Variants in YTHDC2 observed in about 807,000 individuals in gnomAD.
The protein encoded by YTHDC2 is 3'-5' RNA helicase YTHDC2.
YTHDC2 carries 45 observed loss-of-function variants against 174.9 expected under a neutral mutation model. The ratio of observed to expected loss-of-function variants is 0.26; its 90% CI spans 0.20 to 0.33. The LOEUF is 0.33. Ranked by LOEUF, YTHDC2 falls within the 10% of genes least tolerant of loss-of-function variation. YTHDC2 has a pLI of 1.00. For synonymous variants in YTHDC2, 657 were observed against 574.5 expected (o/e 1.14, Z -2.05); for missense variants, 1,650 against 1,723.7 (o/e 0.96, Z 0.76).
At chr5:113,541,138 A>T (rs1191158363) in intron 9 of YTHDC2, 22 bp downstream of exon 9, 10 of 1,612,846 alleles carry the variant, frequency 6.2e-6, no homozygotes, top group Non-Finnish European at 7.6e-6. Flanking sequence ...CTGGTTTCCC[A>T]CTCATATTTT....
rs144347916 is a variant in YTHDC2 at position 113,558,047 on chromosome 5, G to GAGTTGTTAA, written c.2216+1914_2216+1922dup. On this transcript the variant is annotated intron_variant, in intron 17 of 29. Coordinates refer to ENST00000161863, the MANE Select transcript of YTHDC2 (RefSeq NM_022828.5). ...TTTGTGCTACAACTGGATGTTTCCAGAGTTGTTAAGAATGAATCTGAGACA... is the reference window on the plus strand; with the variant it reads ...TTTGTGCTACAACTGGATGTTTCCAGAGTTGTTAAAGTTGTTAAGAATGAATCTGAGACA... Among the ~76,000 whole-genome samples the GAGTTGTTAA allele has an allele frequency of 2.9e-3, 449 of 152,302 alleles. 3 individuals carry two copies. The highest frequency in any genetic ancestry group is 0.01 in the African/African-American group (420 of 41,566).
At chr5:113,536,591 A>G (rs573328745) in intron 7 of YTHDC2, among the ~76,000 whole-genome samples, 1 of 152,350 alleles carries the variant, frequency 6.6e-6, no homozygotes, top group South Asian at 2.1e-4. Flanking sequence ...AAAAATATAT[A>G]TAGAAAAAGT....
Position 113,526,627 on chromosome 5 carries a change from G to A in YTHDC2, c.517G>A (p.Gly173Ser). ...CAAGACAAGTGGGCGACTCAACAAT[G>A]GCATACCTCAGATTCCAGTGAAAAG... ...MSKTSGRLNN[G>S]IPQIPVKRGE... Residue 173 changes from glycine (G) to serine (S), a missense_variant, in exon 4 of 30, where the codon GGC becomes AGC. Around this residue, in one of 5 missense-constraint regions of YTHDC2, gnomAD observed 304 missense variants for 341.4 expected, o/e 0.89. Coordinates refer to ENST00000161863, the MANE Select transcript of YTHDC2 (RefSeq NM_022828.5). 6.3e-7 allele frequency: 1 copy of A among 1,590,058 alleles called. No homozygotes were observed. The highest frequency in any genetic ancestry group is 8.6e-7 in the Non-Finnish European group (1 of 1,167,018).
At chr5:113,586,608 C>T (rs1778693609) in intron 26 of YTHDC2, among the ~76,000 whole-genome samples, 1 of 151,392 alleles carries the variant, frequency 6.6e-6, no homozygotes, top group Admixed American at 6.6e-5. Flanking sequence ...TAATTTTCTC[C>T]TATGTTTTTA....
At chr5:113,558,836 C>T (rs934336716) in intron 17 of YTHDC2, among the ~76,000 whole-genome samples, 3 of 150,736 alleles carry the variant, frequency 2.0e-5, no homozygotes, top group African/African-American at 7.3e-5. Flanking sequence ...GCAGGAGAAT[C>T]GCTTGAACCT....
At chr5:113,514,683 G>A (rs1394681694) in intron 1 of YTHDC2, among the ~76,000 whole-genome samples, 1 of 152,084 alleles carries the variant, frequency 6.6e-6, no homozygotes, top group African/African-American at 2.4e-5. Context: ...TTAGTTAGGG[G>A]ACCTCTTACT....
intron 2 of YTHDC2, among the ~76,000 whole-genome samples, chr5:113,519,388 A>G (rs1026541595): frequency 6.6e-6 from 1 of 152,192 alleles, no homozygotes; most frequent in Non-Finnish European, 1.5e-5. Flanking sequence ...TTAGTCCTAA[A>G]GGCTCACTTT....
chr5:113,558,724 C>G (rs1229535125), intron 17 of YTHDC2, among the ~76,000 whole-genome samples: 1 of 151,898 alleles, frequency 6.6e-6, no homozygotes, highest in African/African-American at 2.4e-5. Flanking sequence ...GAGTTCAAGA[C>G]CAGCCTGGCC....
At position 113,594,443 on chromosome 5, in the gene YTHDC2, C is replaced by G. The variant is rs1779159447; in HGVS notation, c.*969C>G. The G allele has an allele frequency of 6.6e-6, 1 of 152,152 alleles. No individual in the cohort carries two copies. Among genetic ancestry groups the G allele is most frequent in the African/African-American group, 2.4e-5 (1 of 41,428 alleles). 9.4% of individuals were successfully genotyped at this position (152,152 alleles called of 1,614,324 possible). A position where few individuals can be genotyped will look rare whatever the true frequency, so the allele number is the denominator to read the frequency against. On this transcript the variant is annotated 3_prime_UTR_variant, in exon 30 of 30. Coordinates refer to ENST00000161863, the MANE Select transcript of YTHDC2 (RefSeq NM_022828.5). Reference sequence around the variant, plus strand: ...GCAAGCGCCACAATTCTAAGTGCCGCCTTCCATTTTTTTTCAGTATGTTTT... The same window carrying G: ...GCAAGCGCCACAATTCTAAGTGCCGGCTTCCATTTTTTTTCAGTATGTTTT...
In YTHDC2 at chr5:113,535,758, T is replaced by C; in HGVS notation, c.1062T>C (p.Asn354=). Residue 354 remains asparagine, a synonymous_variant, in exon 7 of 30, where the codon AAT becomes AAC. Transcript: ENST00000161863. ...LILSSAALDV[N]LFIRYFGSCP... is the part of the protein sequence containing the mutation. ...TTTCTAGTGCTGCCTTGGATGTAAA[T>C]CTCTTTATAAGATATTTTGGAAGTT... 6.2e-7 allele frequency: 1 copy of C among 1,613,216 alleles called. No homozygotes were observed. Among genetic ancestry groups the C allele is most frequent in the Non-Finnish European group, 8.5e-7 (1 of 1,179,594 alleles).
chr5:113,564,949 G>A (rs1777233078), intron 20 of YTHDC2, among the ~76,000 whole-genome samples: 1 of 151,974 alleles, frequency 6.6e-6, no homozygotes, highest in South Asian at 2.1e-4. Context: ...GAGTAGCTGG[G>A]GTTACAGGCA....
chr5:113,519,737 T>C (rs1236401218), intron 2 of YTHDC2, among the ~76,000 whole-genome samples: 2 of 152,218 alleles, frequency 1.3e-5, no homozygotes, highest in Non-Finnish European at 2.9e-5. Flanking sequence ...ATACTTGTGC[T>C]AGGTGCTTTA....
In YTHDC2 at chr5:113,591,024, T is replaced by G. The variant is rs1243243695; in HGVS notation, c.3826-17T>G. 1 of 1,609,228 alleles carries G rather than the reference T, an allele frequency of 6.2e-7. No individual in the cohort carries two copies. Among genetic ancestry groups the G allele is most frequent in the Admixed American group, 1.7e-5 (1 of 59,276 alleles). ...AAGGTCAGGTTACCTTTCAAGAACT[T>G]ATGTTTTCTTTTATAGGGCTCAAAA... is the stretch of plus-strand genomic sequence containing the variant. On this transcript the variant is annotated splice_polypyrimidine_tract_variant and intron_variant, in intron 26 of 29. Coordinates refer to ENST00000161863, the MANE Select transcript of YTHDC2 (RefSeq NM_022828.5).
chr5:113,590,085 T>C (rs765485046), intron 26 of YTHDC2, among the ~76,000 whole-genome samples: 2 of 152,190 alleles, frequency 1.3e-5, no homozygotes, highest in African/African-American at 2.4e-5. Flanking sequence ...AGTCTCAAGA[T>C]GACAACAGTA....
chr5:113,545,409 G>T (rs1476284107), intron 10 of YTHDC2, among the ~76,000 whole-genome samples: 3 of 144,678 alleles, frequency 2.1e-5, no homozygotes, highest in Admixed American at 6.8e-5. Context: ...TTTGAAACAG[G>T]GTCTCACTTT....
intron 25 of YTHDC2, chr5:113,582,444 A>T (rs968913589): frequency 1.3e-5 from 2 of 152,210 alleles, no homozygotes; most frequent in African/African-American, 4.8e-5. Flanking sequence ...TAGTAATATG[A>T]TAGTGGTTAC....
At chr5:113,526,155 TTATAAG>T (rs1034589089) in intron 3 of YTHDC2, among the ~76,000 whole-genome samples, 1 of 152,074 alleles carries the variant, frequency 6.6e-6, no homozygotes, top group South Asian at 2.1e-4. Flanking sequence ...GTGACAGATC[TTATAAG>T]TATAATGTAC....
At chr5:113,585,491 G>A (rs756226619) in intron 26 of YTHDC2, among the ~76,000 whole-genome samples, 37 of 151,848 alleles carry the variant, frequency 2.4e-4, no homozygotes, top group Non-Finnish European at 4.4e-4. Context: ...CTTTATTAAG[G>A]TGTAACTTAC....
intron 26 of YTHDC2, among the ~76,000 whole-genome samples, chr5:113,588,323 G>T (rs1218182763): frequency 2.0e-5 from 3 of 151,930 alleles, no homozygotes; most frequent in Non-Finnish European, 4.4e-5. Flanking sequence ...GAATTTCATT[G>T]CTTGATTTTC....
Sources: allele counts gnomAD v4.1 joint callset (sites outside exome capture counted in the v4.1 genomes callset), GRCh38; gene constraint gnomAD v4.1.1; regional missense constraint gnomAD v4.1.1; transcripts MANE v1.5; gene names NCBI Gene and HGNC (gene_info 2026-07-23, HGNC 2026-07-21).